The following NRG3 variants were observed in gnomAD, a reference collection of about 807,000 sequenced individuals.
NRG3 encodes pro-neuregulin-3, membrane-bound isoform.
A neutral mutation model predicts 66.9 loss-of-function variants in NRG3; 31 were observed. The observed-to-expected ratio is 0.46, with a 90% CI of 0.35 to 0.63. The LOEUF (loss-of-function observed/expected upper bound fraction) is 0.63. Among genes scored for constraint, NRG3 ranks in the 20% least tolerant of loss-of-function variants. NRG3 has a pLI of 0.00. For missense variants in NRG3, 910 were observed against 878.9 expected, an observed-to-expected ratio of 1.04 and a Z score of -0.45; for synonymous variants, 393 against 359.4, an observed-to-expected ratio of 1.09 and a Z score of -1.06.
chr10:81,889,813 T>G (rs1382953121), intron 1 of NRG3: 1 of 152,186 alleles, frequency 6.6e-6, no homozygotes, highest in African/African-American at 2.4e-5. Context: ...TTGTATTTGA[T>G]CAGAAGAGGT....
At position 82,132,487 on chromosome 10, in the gene NRG3, T is replaced by TC. The variant is rs1203964950; in HGVS notation, c.824-226252_824-226251insC. On this transcript the variant is annotated intron_variant, in intron 1 of 8. Transcript: ENST00000372141. ...ATATATGATATATATATGATATATA[T>TC]ATATGATATATATATATCATATATA... Among the ~76,000 whole-genome samples, 112 of 92,820 alleles carry TC rather than the reference T, an allele frequency of 1.2e-3. 11 individuals carry two copies. The highest frequency in any genetic ancestry group is 6.5e-3 in the African/African-American group (109 of 16,688). The allele number at this position is 92,820 out of a possible 152,430, so 60.9% of individuals were successfully genotyped here.
At chr10:82,468,917 A>G (rs1840957782) in intron 2 of NRG3, among the ~76,000 whole-genome samples, 1 of 152,104 alleles carries the variant, frequency 6.6e-6, no homozygotes, top group African/African-American at 2.4e-5. Flanking sequence ...ATCAGTGACA[A>G]TGGGAGAAAA....
chr10:82,906,939 T>C (rs528838290), intron 4 of NRG3, among the ~76,000 whole-genome samples: 10 of 152,190 alleles, frequency 6.6e-5, no homozygotes, highest in Admixed American at 6.5e-4. Context: ...AGAATGGCTG[T>C]ATTAGGTCTT....
At chr10:82,146,645 A>G (rs900123614) in intron 1 of NRG3, among the ~76,000 whole-genome samples, 8 of 152,130 alleles carry the variant, frequency 5.3e-5, no homozygotes, top group Admixed American at 4.6e-4. Context: ...ATGCTTTTCT[A>G]AGGCAAGCAG....
chr10:82,373,368 G>A (rs1255522957), intron 2 of NRG3, among the ~76,000 whole-genome samples: 2 of 152,214 alleles, frequency 1.3e-5, no homozygotes, highest in African/African-American at 4.8e-5. Context: ...CAGGCTTAGG[G>A]GCAGATGGGA....
intron 1 of NRG3, among the ~76,000 whole-genome samples, chr10:81,946,625 CTA>C (rs1001979320): frequency 3.3e-5 from 5 of 151,974 alleles, no homozygotes; most frequent in African/African-American, 1.2e-4. Flanking sequence ...GAGTGTGTGT[CTA>C]TGTGTGTGTG....
At chr10:82,837,801 A>AT (rs2062853114) in intron 3 of NRG3, among the ~76,000 whole-genome samples, 1 of 152,146 alleles carries the variant, frequency 6.6e-6, no homozygotes, top group Non-Finnish European at 1.5e-5. Flanking sequence ...TGCTGAAAAA[A>AT]TGCTTGTCAT....
chr10:82,836,079 T>A (rs1220810230), intron 3 of NRG3, among the ~76,000 whole-genome samples: 1 of 152,132 alleles, frequency 6.6e-6, no homozygotes, highest in African/African-American at 2.4e-5. Flanking sequence ...TTTTGTGACA[T>A]GTGAAAATCA....
At chr10:82,059,037 T>A (rs1277034370) in intron 1 of NRG3, among the ~76,000 whole-genome samples, 1 of 152,086 alleles carries the variant, frequency 6.6e-6, no homozygotes. Context: ...GCAGAATTAT[T>A]TGAAAAACTA....
intron 3 of NRG3, among the ~76,000 whole-genome samples, chr10:82,768,935 A>T (rs1270718744): frequency 6.6e-6 from 1 of 152,138 alleles, no homozygotes; most frequent in South Asian, 2.1e-4. Flanking sequence ...AAGAAATGTT[A>T]TATGTGTTCT....
At chr10:82,065,620 T>C (rs1024391682) in intron 1 of NRG3, among the ~76,000 whole-genome samples, 15 of 152,252 alleles carry the variant, frequency 9.9e-5, no homozygotes, top group African/African-American at 3.6e-4. Context: ...GACTACTGCA[T>C]TGGGGTTATC....
At chr10:82,298,954 T>A (rs1030017110) in intron 1 of NRG3, among the ~76,000 whole-genome samples, 1 of 152,158 alleles carries the variant, frequency 6.6e-6, no homozygotes, top group Non-Finnish European at 1.5e-5. Context: ...GGAGTTGGCA[T>A]AGCAGGCTGC....
At chr10:81,988,016 G>A (rs566146656) in intron 1 of NRG3, among the ~76,000 whole-genome samples, 2 of 152,240 alleles carry the variant, frequency 1.3e-5, no homozygotes, top group African/African-American at 4.8e-5. Flanking sequence ...GAATAATCTT[G>A]TATAGTAAGT....
intron 6 of NRG3, among the ~76,000 whole-genome samples, chr10:82,964,171 G>T (rs1319563847): frequency 6.6e-6 from 1 of 152,192 alleles, no homozygotes; most frequent in East Asian, 1.9e-4. Context: ...GAACAGGCAT[G>T]TGATGATGAC....
chr10:82,129,296 T>C (rs1282920849), intron 1 of NRG3, among the ~76,000 whole-genome samples: 1 of 149,828 alleles, frequency 6.7e-6, no homozygotes, highest in African/African-American at 2.4e-5. Context: ...AGGGCACAGT[T>C]CACATTCAAT....
intron 1 of NRG3, among the ~76,000 whole-genome samples, chr10:81,882,433 T>C (rs1035934293): frequency 6.6e-6 from 1 of 152,122 alleles, no homozygotes; most frequent in African/African-American, 2.4e-5. Flanking sequence ...ATGATACATA[T>C]ATATATTTAT....
chr10:82,699,272 G>GAAGT (rs1565214992), intron 2 of NRG3, among the ~76,000 whole-genome samples: 1 of 132,122 alleles, frequency 7.6e-6, no homozygotes, highest in Non-Finnish European at 1.6e-5. Flanking sequence ...AGGAAGGAAG[G>GAAGT]AAGGAAGCAA....
intron 3 of NRG3, among the ~76,000 whole-genome samples, chr10:82,806,759 G>T (rs1233742104): frequency 6.6e-6 from 1 of 152,130 alleles, no homozygotes; most frequent in African/African-American, 2.4e-5. Flanking sequence ...AGTCTGATGG[G>T]GGTACTGGAA....
intron 2 of NRG3, among the ~76,000 whole-genome samples, chr10:82,697,754 G>T (rs1383063405): frequency 3.3e-5 from 5 of 152,128 alleles, no homozygotes; most frequent in African/African-American, 1.2e-4. Context: ...GAGAAAGGAG[G>T]ACGCTTGCTG....
Sources: allele counts gnomAD v4.1 joint callset (sites outside exome capture counted in the v4.1 genomes callset), GRCh38; gene constraint gnomAD v4.1.1; transcripts MANE v1.5; gene names NCBI Gene and HGNC (gene_info 2026-07-23, HGNC 2026-07-21).